Variants in SORBS2 observed in about 807,000 individuals in gnomAD.
SORBS2 encodes sorbin and SH3 domain-containing protein 2.
SORBS2 carries 46 observed loss-of-function variants against 97.7 expected under a neutral mutation model. The ratio of observed to expected loss-of-function variants is 0.47; its 90% CI spans 0.37 to 0.60. The LOEUF is 0.60. Among genes scored for constraint, SORBS2 ranks in the 20% least tolerant of loss-of-function variants. The probability of loss-of-function intolerance (pLI) is 0.00; values close to 1 mark genes in which losing one functional copy is unlikely to be tolerated. For missense variants in SORBS2, 1,316 were observed against 1,282.3 expected, an observed-to-expected ratio of 1.03 and a Z score of -0.40; for synonymous variants, 476 against 473.4, an observed-to-expected ratio of 1.01 and a Z score of -0.07.
intron 2 of SORBS2, among the ~76,000 whole-genome samples, chr4:185,711,853 G>T (rs1313568510): frequency 6.6e-6 from 1 of 152,082 alleles, no homozygotes; most frequent in Non-Finnish European, 1.5e-5. Flanking sequence ...CGCACAAGCT[G>T]CCCAACACCA....
intron 11 of SORBS2, 124 bp downstream of exon 23, chr4:185,614,707 G>A: frequency 2.5e-6 from 3 of 1,218,074 alleles, no homozygotes; most frequent in Non-Finnish European, 1.1e-6. Context: ...GTAGAAAATA[G>A]GGTAAACATA....
intron 1 of SORBS2, among the ~76,000 whole-genome samples, chr4:185,784,421 C>T (rs985118045): frequency 6.6e-6 from 1 of 152,168 alleles, no homozygotes; most frequent in Non-Finnish European, 1.5e-5. Flanking sequence ...TGAGCCACCG[C>T]GCCAGGCTGT....
intron 1 of SORBS2, among the ~76,000 whole-genome samples, chr4:185,932,410 A>G (rs539978134): frequency 1.3e-5 from 2 of 151,846 alleles, no homozygotes; most frequent in Non-Finnish European, 2.9e-5. Flanking sequence ...ATTCGATGAT[A>G]GTCTTACTTC....
chr4:185,945,971 G>C (rs1362149815), intron 1 of SORBS2, among the ~76,000 whole-genome samples: 1 of 152,196 alleles, frequency 6.6e-6, no homozygotes, highest in Non-Finnish European at 1.5e-5. Context: ...TTGGGAGCTC[G>C]CATGTTGACA....
At chr4:185,609,555 C>G (rs2096497859) in intron 12 of SORBS2, among the ~76,000 whole-genome samples, 1 of 152,200 alleles carries the variant, frequency 6.6e-6, no homozygotes, top group Non-Finnish European at 1.5e-5. Context: ...CCTGGTATAA[C>G]TAGATCACAA....
At chr4:185,853,583 A>T (rs1332455246) in intron 1 of SORBS2, among the ~76,000 whole-genome samples, 1 of 152,210 alleles carries the variant, frequency 6.6e-6, no homozygotes, top group Non-Finnish European at 1.5e-5. Context: ...TTTGGGGAGA[A>T]ATATGCAAAC....
At chr4:185,663,055 C>T (rs374193447) in intron 4 of SORBS2, among the ~76,000 whole-genome samples, 1 of 152,176 alleles carries the variant, frequency 6.6e-6, no homozygotes, top group African/African-American at 2.4e-5. Flanking sequence ...TCTGATGGAA[C>T]TGAATCGGCT....
At chr4:185,905,866 C>T (rs1049242959) in intron 1 of SORBS2, among the ~76,000 whole-genome samples, 1 of 152,176 alleles carries the variant, frequency 6.6e-6, no homozygotes, top group Non-Finnish European at 1.5e-5. Flanking sequence ...AGTCAGGGCC[C>T]TTCAAACAAA....
intron 1 of SORBS2, among the ~76,000 whole-genome samples, chr4:185,780,070 C>CAATA (rs1342611169): frequency 1.5e-5 from 2 of 131,612 alleles, no homozygotes; most frequent in African/African-American, 5.9e-5. Flanking sequence ...GGCTGGAGTG[C>CAATA]AATAGCACAA....
intron 1 of SORBS2, among the ~76,000 whole-genome samples, chr4:185,917,108 G>A (rs1026880606): frequency 6.6e-6 from 1 of 152,242 alleles, no homozygotes; most frequent in Non-Finnish European, 1.5e-5. Context: ...GGTTTGGGAA[G>A]CTTCTGGAGA....
chr4:185,587,922 G>T (rs547849719), intron 14 of SORBS2: 8 of 470,224 alleles, frequency 1.7e-5, no homozygotes, highest in South Asian at 5.4e-5. Context: ...ATCGCGGCAG[G>T]CTAAACAGAA....
chr4:185,838,412 T>A (rs563712805), intron 1 of SORBS2, among the ~76,000 whole-genome samples: 2 of 152,094 alleles, frequency 1.3e-5, no homozygotes, highest in African/African-American at 2.4e-5. Context: ...CCTCCTCAAC[T>A]CACGGATGCG....
At chr4:185,841,476 G>A (rs1358177810) in intron 1 of SORBS2, among the ~76,000 whole-genome samples, 1 of 152,170 alleles carries the variant, frequency 6.6e-6, no homozygotes, top group Non-Finnish European at 1.5e-5. Flanking sequence ...CCTCTGTATT[G>A]AAGGTGCCAG....
intron 1 of SORBS2, among the ~76,000 whole-genome samples, chr4:185,851,761 C>G (rs1034132245): frequency 3.9e-5 from 6 of 152,102 alleles, no homozygotes; most frequent in African/African-American, 1.4e-4. Flanking sequence ...GGCTTAGCCT[C>G]CCAGCCTTCA....
At chr4:185,614,574 C>A in intron 11 of SORBS2, 1 of 427,318 alleles carries the variant, frequency 2.3e-6, no homozygotes, top group Admixed American at 4.0e-5. Context: ...ATTTTCAGCC[C>A]CATGCCCGGC....
intron 4 of SORBS2, among the ~76,000 whole-genome samples, chr4:185,645,046 G>A (rs1032571600): frequency 4.6e-5 from 7 of 152,114 alleles, no homozygotes; most frequent in Middle Eastern, 6.3e-3. Context: ...CATAAAGCCT[G>A]GCATGTAGCT....
intron 2 of SORBS2, among the ~76,000 whole-genome samples, chr4:185,724,941 T>C (rs566060007): frequency 1.3e-4 from 20 of 152,358 alleles, no homozygotes; most frequent in Non-Finnish European, 2.5e-4. Context: ...ATCTGTGAGA[T>C]TAAGGATAGT....
At chr4:185,913,917 C>T (rs1387011397) in intron 1 of SORBS2, among the ~76,000 whole-genome samples, 6 of 152,176 alleles carry the variant, frequency 3.9e-5, no homozygotes, top group Non-Finnish European at 2.9e-5. Flanking sequence ...ACATGGTTAG[C>T]TCTAGATCAC....
chr4:185,722,628 G>T (rs2098524550), intron 2 of SORBS2, among the ~76,000 whole-genome samples: 1 of 152,160 alleles, frequency 6.6e-6, no homozygotes, highest in Non-Finnish European at 1.5e-5. Context: ...ACAGAATTTT[G>T]AGAAACTTGT....
Sources: gnomAD v4.1 joint callset for allele counts (sites outside exome capture counted in the v4.1 genomes callset) on GRCh38, gnomAD v4.1.1 for gene constraint, MANE v1.5 for transcripts, NCBI Gene and HGNC (gene_info 2026-07-23, HGNC 2026-07-21) for gene names.